DST: variants seen among roughly 807,000 people sequenced by gnomAD.
DST encodes bullous pemphigoid antigen.
In DST, 253 loss-of-function variants were observed where a neutral mutation model predicts 875.2. The ratio of observed to expected loss-of-function variants is 0.29; its 90% CI spans 0.26 to 0.32. The LOEUF (loss-of-function observed/expected upper bound fraction) is 0.32, where lower values mean the gene tolerates loss of function less well. DST is among the 10% of genes least tolerant of loss of function. The pLI is 1.00. For missense variants in DST, 8,287 were observed against 9,111.6 expected, an observed-to-expected ratio of 0.91 and a Z score of 3.68; for synonymous variants, 3,124 against 3,197.1, an observed-to-expected ratio of 0.98 and a Z score of 0.77.
chr6:56,573,574 T>G, intron 51 of DST, 105 bp downstream of exon 51: 1 of 813,790 alleles, frequency 1.2e-6, no homozygotes, highest in African/African-American at 1.7e-5. Flanking sequence ...AGTAAATGTC[T>G]CTTTTTTGTG....
At chr6:56,939,902 T>G (rs1815430118) in intron 2 of DST, among the ~76,000 whole-genome samples, 1 of 151,900 alleles carries the variant, frequency 6.6e-6, no homozygotes, top group African/African-American at 2.4e-5. Context: ...GGCGGGCACC[T>G]GTAATCCCAC....
intron 4 of DST, among the ~76,000 whole-genome samples, chr6:56,798,519 A>C (rs1361473036): frequency 6.6e-6 from 1 of 152,224 alleles, no homozygotes; most frequent in Non-Finnish European, 1.5e-5. Context: ...TCAAAATATT[A>C]CTGCTATTGG....
chr6:56,522,505 T>G (rs541201033), intron 69 of DST, among the ~76,000 whole-genome samples: 1 of 152,290 alleles, frequency 6.6e-6, no homozygotes, highest in South Asian at 2.1e-4. Flanking sequence ...CCTTCCACTT[T>G]GCTTGTCTTT....
In DST at chr6:56,646,220, A is replaced by G. The variant is rs1245344596; in HGVS notation, c.1555-38T>C. 5.0e-6 allele frequency: 6 copies of G among 1,194,450 alleles called. No homozygotes were observed. The East Asian group carries it at 1.5e-4, about 30-fold the overall frequency. 74.0% of individuals were successfully genotyped at this position (1,194,450 alleles called of 1,614,324 possible). A position where few individuals can be genotyped will look rare whatever the true frequency, so the allele number is the denominator to read the frequency against. On this transcript the variant is annotated intron_variant, in intron 13 of 103. Transcript: ENST00000680361. ...GGACAAGAAATTAAGGACCAAACTT[A>G]AAAGATCTGTTTTCATGATCTCACT...
chr6:56,951,468 A>T (rs888586284), intron 2 of DST, among the ~76,000 whole-genome samples: 5 of 152,248 alleles, frequency 3.3e-5, no homozygotes, highest in African/African-American at 7.2e-5. Flanking sequence ...TCTATTTTTT[A>T]AAATATGTTT....
chr6:56,510,693 A>G (rs2152476007), intron 73 of DST, among the ~76,000 whole-genome samples: 1 of 152,338 alleles, frequency 6.6e-6, no homozygotes, highest in African/African-American at 2.4e-5. Context: ...TCTAATAATG[A>G]AAACCAAATC....
intron 3 of DST, among the ~76,000 whole-genome samples, chr6:56,881,924 C>T (rs1212987202): frequency 2.0e-5 from 3 of 152,174 alleles, no homozygotes; most frequent in Non-Finnish European, 4.4e-5. Context: ...GAGGGCAGCG[C>T]GTGCACAAGA....
chr6:56,608,695 A>G lies in DST; in HGVS notation c.5933T>C (p.Ile1978Thr). Reference protein sequence around the residue: ...SILRAAHEGLIDRETMFRLLS... With the variant: ...SILRAAHEGLTDRETMFRLLS... The stretch of plus-strand genomic sequence containing the variant: ...CAACCTAAACATGGTTTCACGGTCT[A>G]TGAGACCTTCATGAGCTGCTCTTAA... Residue 1978 changes from isoleucine to threonine, a missense_variant, in exon 40 of 104, where the codon ATA becomes ACA. Ile to Thr is a moderately conservative substitution (Grantham distance 89, BLOSUM62 -1). Around this residue, in one of 10 missense-constraint regions of DST, gnomAD observed 3,138 missense variants for 3,116.6 expected, o/e 1.01. Coordinates refer to ENST00000680361, the MANE Select transcript of DST (RefSeq NM_001374736.1). 1 of 1,612,858 alleles carries G rather than the reference A, an allele frequency of 6.2e-7. No individual in the cohort carries two copies. The highest frequency in any genetic ancestry group is 8.5e-7 in the Non-Finnish European group (1 of 1,179,408).
intron 2 of DST, among the ~76,000 whole-genome samples, chr6:56,942,643 A>G (rs2127790338): frequency 6.8e-6 from 1 of 146,790 alleles, no homozygotes; most frequent in East Asian, 2.0e-4. Flanking sequence ...TATATATTTT[A>G]TACACCCCAC....
In DST at chr6:56,555,607, G is replaced by C. The variant is rs746641066; in HGVS notation, c.14874C>G (p.Ser4958Arg). 91 of 1,613,872 alleles carry C rather than the reference G, an allele frequency of 5.6e-5. 1 individual carries two copies. Among genetic ancestry groups the C allele is most frequent in the African/African-American group, 9.3e-5 (7 of 74,926 alleles). Reference protein sequence around the residue: ...KSTQYQSLLRSLSDKLSDLDN... With the variant: ...KSTQYQSLLRRLSDKLSDLDN... ...CCAAGTCACTCAGTTTATCAGAAAG[G>C]CTTCTCAGCAGGCTTTGATACTGTG... The change falls in exon 60 of 104, where the codon AGC (serine) becomes AGG (arginine). Residue 4958 changes from serine (S) to arginine (R), a missense_variant. Ser to Arg is a moderately radical substitution (Grantham distance 110). This residue lies in a region of DST where 1,513 missense variants were observed against 1,677.8 expected (regional missense o/e 0.90). Transcript: ENST00000680361.
chr6:56,525,368 C>G (rs1213945980), intron 69 of DST, among the ~76,000 whole-genome samples: 1 of 152,204 alleles, frequency 6.6e-6, no homozygotes, highest in African/African-American at 2.4e-5. Flanking sequence ...TGAATGCCCT[C>G]CTTCACAAAA....
intron 4 of DST, among the ~76,000 whole-genome samples, chr6:56,736,952 T>C (rs1319957117): frequency 6.6e-6 from 1 of 152,110 alleles, no homozygotes; most frequent in African/African-American, 2.4e-5. Flanking sequence ...TGCAGGCAAA[T>C]TGTTTGAGCC....
intron 55 of DST, among the ~76,000 whole-genome samples, chr6:56,568,016 C>T (rs1458159441): frequency 2.0e-5 from 3 of 152,028 alleles, no homozygotes; most frequent in South Asian, 2.1e-4. Flanking sequence ...GAATAAAATA[C>T]GCAGGAATAA....
intron 55 of DST, among the ~76,000 whole-genome samples, chr6:56,567,999 A>C (rs2097711424): frequency 6.6e-6 from 1 of 152,148 alleles, no homozygotes; most frequent in African/African-American, 2.4e-5. Flanking sequence ...TTTGGGAATG[A>C]TGTACAGAAT....
At chr6:56,922,230 A>G (rs1804680884) in intron 2 of DST, among the ~76,000 whole-genome samples, 1 of 152,132 alleles carries the variant, frequency 6.6e-6, no homozygotes, top group Non-Finnish European at 1.5e-5. Context: ...ATATTTTTCA[A>G]ATTATTCTAA....
rs772638134 is a variant in DST, at chr6:56,606,985, T to C, written c.7643A>G (p.Lys2548Arg). 7 of 1,613,500 alleles carry C rather than the reference T, an allele frequency of 4.3e-6. No homozygotes were observed. Among genetic ancestry groups the C allele is most frequent in the Non-Finnish European group, 5.9e-6 (7 of 1,179,616 alleles). Residue 2548 changes from lysine to arginine, a missense_variant, in exon 40 of 104, where the codon AAG becomes AGG. By Grantham distance (26) the Lys-to-Arg change is conservative. This residue lies in a region of DST where 3,138 missense variants were observed against 3,116.6 expected (regional missense o/e 1.01). Transcript: ENST00000680361. The stretch of plus-strand genomic sequence containing the variant: ...CTCTTCTATTTCAGACTCATCTTCC[T>C]TGTCTTCAGGCATCTGCTGAAAACC... ...HPGFQQMPED[K>R]EDESEIEEYS...
In DST at chr6:56,459,049, T is replaced by C; in HGVS notation, c.23413A>G (p.Arg7805Gly). The C allele has an allele frequency of 1.2e-6, 2 of 1,613,890 alleles. No homozygotes were observed. Among genetic ancestry groups the C allele is most frequent in the Non-Finnish European group, 1.7e-6 (2 of 1,179,808 alleles). Reference protein sequence around the residue: ...AKPSKIPTPQRKSPASKLDKS... With the variant: ...AKPSKIPTPQGKSPASKLDKS... ...TCCAATTTGCTGGCAGGTGATTTCC[T>C]CTGGGGCGTGGGGATTTTTGAAGGC... Residue 7805 changes from arginine to glycine, a missense_variant, in exon 104 of 104, where the codon AGG (arginine) becomes GGG (glycine). Transcript: ENST00000680361.
intron 4 of DST, among the ~76,000 whole-genome samples, chr6:56,768,047 T>C (rs1453089150): frequency 2.6e-5 from 4 of 152,086 alleles, no homozygotes; most frequent in African/African-American, 9.7e-5. Context: ...TATAAGCCAT[T>C]TCGAAGACCT....
chr6:56,842,927 C>T, intron 4 of DST: 1 of 901,826 alleles, frequency 1.1e-6, no homozygotes, highest in Non-Finnish European at 1.5e-6. Flanking sequence ...AGACCTGGTC[C>T]ATTCCCAAGA....
Sources: allele counts gnomAD v4.1 joint callset (sites outside exome capture counted in the v4.1 genomes callset), GRCh38; gene constraint gnomAD v4.1.1; regional missense constraint gnomAD v4.1.1; transcripts MANE v1.5; gene names NCBI Gene and HGNC (gene_info 2026-07-23, HGNC 2026-07-21).